USP40: variants seen among roughly 807,000 people sequenced by gnomAD.
USP40 encodes ubiquitin specific peptidase 40.
USP40 carries 143 observed loss-of-function variants against 166.2 expected under a neutral mutation model. The ratio of observed to expected loss-of-function variants is 0.86; its 90% CI spans 0.75 to 0.99. The LOEUF is 0.99. Among genes scored for constraint, USP40 ranks in the 50% least tolerant of loss-of-function variants. USP40 has a pLI of 0.00. For missense variants in USP40, 1,444 were observed against 1,479.7 expected (o/e 0.98, Z 0.40); for synonymous variants, 498 against 524.0 (o/e 0.95, Z 0.68).
chr2:233,478,558 C>T (rs1214264687), intron 31 of USP40, among the ~76,000 whole-genome samples: 3 of 152,038 alleles, frequency 2.0e-5, no homozygotes, highest in East Asian at 1.9e-4. Flanking sequence ...ACAGCCATAC[C>T]CTCTGACCTA....
chr2:233,488,401 AATTGTT>A, intron 27 of USP40, 97 bp from the exon 28 acceptor site: 1 of 1,206,016 alleles, frequency 8.3e-7, no homozygotes, highest in Non-Finnish European at 1.2e-6. Flanking sequence ...TTAAGCAAAG[AATTGTT>A]TTCTGAGTAC....
intron 4 of USP40, 141 bp from the exon 5 acceptor site, chr2:233,557,160 C>A: frequency 1.4e-6 from 1 of 721,604 alleles, no homozygotes; most frequent in Non-Finnish European, 2.2e-6. Flanking sequence ...GCAAAACAAG[C>A]TGAGCTGGTT....
chr2:233,509,157 C>G (rs1000802014), intron 21 of USP40, among the ~76,000 whole-genome samples: 1 of 152,148 alleles, frequency 6.6e-6, no homozygotes, highest in Non-Finnish European at 1.5e-5. Flanking sequence ...TCTTTCCAAC[C>G]TGTATCAGGG....
At position 233,481,163 on chromosome 2, in the gene USP40, G is replaced by A. The variant is rs139610647; in HGVS notation, c.3599+40C>T. On this transcript the variant is annotated intron_variant, in intron 31 of 31. Coordinates refer to ENST00000678225, the MANE Select transcript of USP40 (RefSeq NM_001365479.2). ...CAGGAATAAGAGAGAGTCAGAGAGG[G>A]CTCTGTCAGCTGCACATCTGTGCAG... 1,725 of 1,529,080 alleles carry A rather than the reference G, an allele frequency of 1.1e-3. 19 individuals carry two copies. The South Asian group carries it at 0.012, about 11-fold the overall frequency. 94.7% of individuals were successfully genotyped at this position (1,529,080 alleles called of 1,614,324 possible).
rs766982376 is a variant in USP40 at position 233,527,483 on chromosome 2, G to A, written c.1649C>T (p.Ser550Phe). Residue 550 changes from serine to phenylalanine, a missense_variant, in exon 13 of 32, where the codon TCT becomes TTT. Transcript: ENST00000678225. ...CAAATCCCACACGCTTTCTGTTTGA[G>A]AGACTACTGGGTGCAGAGCCCCATT... ...FFNGALHPVV[S>F]QTESVWDLTF... 1 of 1,613,818 alleles carries A rather than the reference G, an allele frequency of 6.2e-7. No individual in the cohort carries two copies. Among genetic ancestry groups the A allele is most frequent in the Non-Finnish European group, 8.5e-7 (1 of 1,179,812 alleles).
Position 233,493,967 on chromosome 2 carries a change from AT to A in USP40, c.2791-417del. Among the ~76,000 whole-genome samples the A allele has an allele frequency of 6.6e-6, 1 of 152,346 alleles. No individual in the cohort carries two copies. Among genetic ancestry groups the A allele is most frequent in the South Asian group, 2.1e-4 (1 of 4,828 alleles). On this transcript the variant is annotated intron_variant, in intron 24 of 31. Transcript: ENST00000678225. The surrounding 1 kb of genome is among the most constrained non-coding windows in gnomAD (Gnocchi z 4.7). ...GGGTTTCTGATACAAACTAAAGGAA[AT>A]AAACCCATTGTCTTATACATACCCT...
intron 21 of USP40, among the ~76,000 whole-genome samples, chr2:233,507,528 T>C: frequency 6.6e-6 from 1 of 151,524 alleles, no homozygotes; most frequent in Non-Finnish European, 1.5e-5. Context: ...TGTGACAACA[T>C]GGATGAACCT....
intron 6 of USP40, among the ~76,000 whole-genome samples, chr2:233,554,144 G>A (rs888948119): frequency 2.6e-4 from 39 of 152,128 alleles, no homozygotes; most frequent in African/African-American, 8.9e-4. Flanking sequence ...GGATACTTAC[G>A]AAACACTGAG....
rs376670354 is a variant in USP40 at position 233,525,478 on chromosome 2, C to T, written c.1810G>A (p.Gly604Arg). The change falls in exon 14 of 32, where the codon GGG becomes AGG. Residue 604 changes from glycine to arginine, a missense_variant and splice_region_variant. Transcript: ENST00000678225. ...AGLHIYQSLG[G>R]DELTLCETEI... is the part of the protein sequence containing the mutation. ...TGCTATGTTTTCATATTTATCTTAC[C>T]GCCAAGTGACTGGTAAATGTGAAGT... is the stretch of plus-strand genomic sequence containing the variant. 1.7e-5 allele frequency: 27 copies of T among 1,610,848 alleles called. No individual in the cohort carries two copies. The highest frequency in any genetic ancestry group is 1.7e-4 in the Middle Eastern group (1 of 6,056).
chr2:233,545,809 C>T (rs1020617692), intron 8 of USP40: 6 of 202,990 alleles, frequency 3.0e-5, no homozygotes, highest in South Asian at 1.1e-4. Flanking sequence ...TACCTGGCTA[C>T]GATTAGAATA....
chr2:233,516,581 G>A (rs1309628715), intron 18 of USP40, among the ~76,000 whole-genome samples: 4 of 151,856 alleles, frequency 2.6e-5, no homozygotes, highest in Admixed American at 6.6e-5. Flanking sequence ...CCAGCTACTC[G>A]AGAGGCTGAG....
Position 233,517,140 on chromosome 2 carries a change from T to G in USP40, c.2383+2474A>C, listed in dbSNP as rs1172656680. Among the ~76,000 whole-genome samples, 8 of 152,206 alleles carry G rather than the reference T, an allele frequency of 5.3e-5. No individual in the cohort carries two copies. In the East Asian group the frequency reaches 1.5e-3, roughly 29 times the overall value. ...ATTTTGAGTTCTTGCTAAATTTACA[T>G]GCATTAAGATACTAATTCACATTCA... On this transcript the variant is annotated intron_variant, in intron 18 of 31. Coordinates refer to ENST00000678225, the MANE Select transcript of USP40 (RefSeq NM_001365479.2).
chr2:233,496,694 A>T, intron 24 of USP40, 64 bp downstream of exon 24: 1 of 1,408,558 alleles, frequency 7.1e-7, no homozygotes, highest in Non-Finnish European at 9.9e-7. Flanking sequence ...ATGAGGCTGT[A>T]TCATCTCTGT....
In USP40 at chr2:233,483,736, C is replaced by T. The variant is rs80024558; in HGVS notation, c.3504+1795G>A. On this transcript the variant is annotated intron_variant, in intron 30 of 31. Coordinates refer to ENST00000678225, the MANE Select transcript of USP40 (RefSeq NM_001365479.2). ...AATTTTTGGATTAGGGAGGCTCGACCGTTAAGTATAATGCAAATATTCCAA... is the reference window on the plus strand; with the variant it reads ...AATTTTTGGATTAGGGAGGCTCGACTGTTAAGTATAATGCAAATATTCCAA... 5.8e-3 allele frequency among the ~76,000 whole-genome samples: 876 copies of T among 152,032 alleles called. 10 individuals carry two copies. The highest frequency in any genetic ancestry group is 0.02 in the African/African-American group (818 of 41,428).
rs2070733608 is a variant in USP40, at chr2:233,553,074, G to C, written c.693+1306C>G. Among the ~76,000 whole-genome samples the C allele has an allele frequency of 5.0e-5, 3 of 59,742 alleles. No homozygotes were observed. In the South Asian group the frequency reaches 1.8e-3, roughly 37 times the overall value. The allele number at this position is 59,742 out of a possible 152,430, so 39.2% of individuals were successfully genotyped here. Reference sequence around the variant, plus strand: ...GGGTTGATGCCATAGAAGCTGAGAAGGAAGGGACAGAGAAGGTTAGAGACA... The same window carrying C: ...GGGTTGATGCCATAGAAGCTGAGAACGAAGGGACAGAGAAGGTTAGAGACA... On this transcript the variant is annotated intron_variant, in intron 6 of 31. Transcript: ENST00000678225.
rs761026769 is a variant in USP40, at chr2:233,490,994, G to A, written c.3012+173C>T. 80 of 713,682 alleles carry A rather than the reference G, an allele frequency of 1.1e-4. 1 individual carries two copies. Among genetic ancestry groups the A allele is most frequent in the South Asian group, 1.0e-3 (70 of 66,826 alleles). 44.2% of individuals were successfully genotyped at this position (713,682 alleles called of 1,614,324 possible). On this transcript the variant is annotated intron_variant, in intron 26 of 31. Transcript: ENST00000678225. ...GGGACCAGTGAGGCCACGAGGAGCC[G>A]TCTGCACCATGGGCGTGTATTGCCT...
At chr2:233,502,147 C>T (rs1256362028) in intron 21 of USP40, among the ~76,000 whole-genome samples, 1 of 152,198 alleles carries the variant, frequency 6.6e-6, no homozygotes, top group Non-Finnish European at 1.5e-5. Context: ...AGGAACAAGT[C>T]TGCCTGCAAG....
Position 233,549,032 on chromosome 2 carries a change from T to C in USP40, c.966+69A>G, listed in dbSNP as rs527644604. 7.6e-6 allele frequency: 11 copies of C among 1,455,610 alleles called. No homozygotes were observed. In the East Asian group the frequency reaches 2.5e-4, roughly 33 times the overall value. 90.2% of individuals were successfully genotyped at this position (1,455,610 alleles called of 1,614,324 possible). The stretch of plus-strand genomic sequence containing the variant: ...ATATATAATAAATGGTAAACAAAAT[T>C]TCCTCAACAAAATAATAGGAATAGA... On this transcript the variant is annotated intron_variant, in intron 8 of 31. Coordinates refer to ENST00000678225, the MANE Select transcript of USP40 (RefSeq NM_001365479.2).
intron 11 of USP40, among the ~76,000 whole-genome samples, chr2:233,531,950 C>T (rs1435421488): frequency 6.6e-6 from 1 of 152,186 alleles, no homozygotes; most frequent in Non-Finnish European, 1.5e-5. Context: ...TTCACACCGA[C>T]TTCCTAGAAC....
Sources: gnomAD v4.1 joint callset for allele counts (sites outside exome capture counted in the v4.1 genomes callset) on GRCh38, gnomAD v4.1.1 for gene constraint, Gnocchi (gnomAD v3.1) non-coding constraint, MANE v1.5 for transcripts, NCBI Gene and HGNC (gene_info 2026-07-23, HGNC 2026-07-21) for gene names.